Variants in NPAS2 observed in about 807,000 individuals in gnomAD.
NPAS2 encodes neuronal PAS domain-containing protein 2.
Under a neutral mutation model 107.5 loss-of-function variants are expected in NPAS2, and 23 were observed. The observed-to-expected ratio is 0.21, with a 90% CI of 0.15 to 0.30. The LOEUF is 0.30. Among genes scored for constraint, NPAS2 ranks in the 10% least tolerant of loss-of-function variants. The probability of loss-of-function intolerance (pLI) is 1.00; values close to 1 mark genes in which losing one functional copy is unlikely to be tolerated. For missense variants in NPAS2, 756 were observed against 1,043.3 expected, an observed-to-expected ratio of 0.72 and a Z score of 3.79; for synonymous variants, 403 against 417.5, an observed-to-expected ratio of 0.97 and a Z score of 0.42.
chr2:100,928,737 G>C (rs1229481972), intron 3 of NPAS2, among the ~76,000 whole-genome samples: 1 of 152,204 alleles, frequency 6.6e-6, no homozygotes, highest in East Asian at 1.9e-4. Context: ...AAAAAACAAA[G>C]CAATCACTTT....
intron 11 of NPAS2, 96 bp from the exon 12 acceptor site, chr2:100,970,894 G>T: frequency 9.4e-7 from 1 of 1,061,228 alleles, no homozygotes; most frequent in Non-Finnish European, 1.4e-6. Context: ...CAGGGGTTAC[G>T]TAGAGAACCT....
intron 1 of NPAS2, among the ~76,000 whole-genome samples, chr2:100,823,913 G>C (rs867701381): frequency 8.5e-5 from 13 of 152,118 alleles, no homozygotes; most frequent in African/African-American, 3.1e-4. Flanking sequence ...CTTGTGACTT[G>C]GCAAGAAATA....
rs1477782752 is a variant in NPAS2, at chr2:100,990,276, C to T, written c.1848C>T (p.Ser616=). 11 of 1,614,028 alleles carry T rather than the reference C, an allele frequency of 6.8e-6. No individual in the cohort carries two copies. Among genetic ancestry groups the T allele is most frequent in the Admixed American group, 1.7e-5 (1 of 59,998 alleles). ...TCCAGGGTCCAAAGCCAATGAGAAG[C>T]TCACAGCTAATGCAGAGCAGCGGCC... ...ISTQGPKPMR[S]SQLMQSSGRS... The change falls in exon 18 of 21, where the codon AGC becomes AGT. Residue 616 remains serine, a synonymous_variant. Transcript: ENST00000335681.
intron 1 of NPAS2, among the ~76,000 whole-genome samples, chr2:100,851,810 AT>A (rs1678192629): frequency 6.6e-6 from 1 of 152,184 alleles, no homozygotes; most frequent in Non-Finnish European, 1.5e-5. Flanking sequence ...AAGATTTAAC[AT>A]TTTTGTTTTT....
At chr2:100,861,969 ATG>A (rs1678969078) in intron 1 of NPAS2, among the ~76,000 whole-genome samples, 1 of 152,208 alleles carries the variant, frequency 6.6e-6, no homozygotes, top group Non-Finnish European at 1.5e-5. Context: ...TAAGAAAAGA[ATG>A]TGTGTATATG....
At chr2:100,841,962 G>GC (rs1207232607) in intron 1 of NPAS2, among the ~76,000 whole-genome samples, 2 of 152,180 alleles carry the variant, frequency 1.3e-5, no homozygotes, top group Non-Finnish European at 2.9e-5. Context: ...ATATACACAA[G>GC]CATGCACAGC....
rs574852289 is a variant in NPAS2 at position 100,946,210 on chromosome 2, C to A, written c.364-2025C>A. 1.4e-3 allele frequency among the ~76,000 whole-genome samples: 218 copies of A among 152,296 alleles called. 1 individual carries two copies. The highest frequency in any genetic ancestry group is 4.6e-3 in the African/African-American group (191 of 41,564). The stretch of plus-strand genomic sequence containing the variant: ...GCTCATGGAACCTTCATGGTTTCCT[C>A]ACCTTGCAGCTGAGGAAAATGCAGC... On this transcript the variant is annotated intron_variant, in intron 5 of 20. Transcript: ENST00000335681.
At position 100,951,819 on chromosome 2, in the gene NPAS2, G is replaced by A. The variant is rs368023539; in HGVS notation, c.598+2339G>A. 4.4e-4 allele frequency among the ~76,000 whole-genome samples: 67 copies of A among 152,132 alleles called. 1 individual carries two copies. The South Asian group carries it at 0.012, about 27-fold the overall frequency. The stretch of plus-strand genomic sequence containing the variant: ...GAACTGTGCACTTCAAAACGGTTAC[G>A]ATGGCAAACTTTGTTATATGTGTTT... On this transcript the variant is annotated intron_variant, in intron 7 of 20. Coordinates refer to ENST00000335681, the MANE Select transcript of NPAS2 (RefSeq NM_002518.4).
chr2:100,936,402 G>T (rs780542290), intron 4 of NPAS2, among the ~76,000 whole-genome samples: 1 of 152,302 alleles, frequency 6.6e-6, no homozygotes, highest in Non-Finnish European at 1.5e-5. Flanking sequence ...AAAATGTCCA[G>T]ATTCGGGGAA....
At chr2:100,916,722 G>A (rs34060506) in intron 2 of NPAS2, among the ~76,000 whole-genome samples, 22,113 of 152,180 alleles carry the variant, frequency 0.15, 1,785 homozygotes, top group South Asian at 0.18. Flanking sequence ...AACAGAATCT[G>A]ATTGGTATTT....
At chr2:100,962,403 G>A (rs1489858494) in intron 7 of NPAS2, among the ~76,000 whole-genome samples, 1 of 152,158 alleles carries the variant, frequency 6.6e-6, no homozygotes, top group Non-Finnish European at 1.5e-5. Context: ...TGCTCGATAT[G>A]TTCCTCATTA....
intron 1 of NPAS2, among the ~76,000 whole-genome samples, chr2:100,838,837 G>A (rs1026740018): frequency 2.0e-5 from 3 of 152,094 alleles, no homozygotes; most frequent in African/African-American, 7.2e-5. Context: ...CATTGCTTTG[G>A]ATCAGTTATT....
intron 2 of NPAS2, among the ~76,000 whole-genome samples, chr2:100,915,004 G>C (rs1008048703): frequency 6.6e-6 from 1 of 152,178 alleles, no homozygotes; most frequent in African/African-American, 2.4e-5. Flanking sequence ...ACAGAGAGAG[G>C]ACCAGGAGCT....
intron 3 of NPAS2, among the ~76,000 whole-genome samples, chr2:100,925,717 C>G (rs892562231): frequency 3.9e-5 from 6 of 152,134 alleles, no homozygotes; most frequent in Non-Finnish European, 7.4e-5. Flanking sequence ...ACTCTTTGGT[C>G]TTTTGCGCTA....
Position 100,843,398 on chromosome 2 carries a change from C to T in NPAS2, c.-23+22984C>T, listed in dbSNP as rs142719251. 5.1e-3 allele frequency among the ~76,000 whole-genome samples: 780 copies of T among 152,194 alleles called. 8 individuals are homozygous for T. Among genetic ancestry groups the T allele is most frequent in the African/African-American group, 0.018 (758 of 41,524 alleles). ...CACACACATTAAAATTAGATTACAG[C>T]CAAACAGCAATATAGTTTTGGGGAT... On this transcript the variant is annotated intron_variant, in intron 1 of 20. Coordinates refer to ENST00000335681, the MANE Select transcript of NPAS2 (RefSeq NM_002518.4).
chr2:100,829,567 G>A (rs866862142), intron 1 of NPAS2, among the ~76,000 whole-genome samples: 2 of 152,048 alleles, frequency 1.3e-5, no homozygotes, highest in African/African-American at 4.8e-5. Context: ...GGAGTTTTTC[G>A]GGGTTTTCTA....
At chr2:100,871,809 G>A (rs985350188) in intron 1 of NPAS2, among the ~76,000 whole-genome samples, 1 of 152,058 alleles carries the variant, frequency 6.6e-6, no homozygotes, top group African/African-American at 2.4e-5. Context: ...TCTGCATGCT[G>A]AAAGACATTG....
intron 16 of NPAS2, 110 bp from the exon 17 acceptor site, chr2:100,987,969 A>T: frequency 8.7e-7 from 1 of 1,152,458 alleles, no homozygotes; most frequent in Non-Finnish European, 1.3e-6. Context: ...AACTATTTCT[A>T]GGCAGCTCAG....
intron 3 of NPAS2, among the ~76,000 whole-genome samples, chr2:100,926,028 A>T (rs1002549546): frequency 6.6e-6 from 1 of 152,198 alleles, no homozygotes; most frequent in African/African-American, 2.4e-5. Context: ...TTATACAAGT[A>T]GAATCATACG....
Sources: gnomAD v4.1 joint callset for allele counts (sites outside exome capture counted in the v4.1 genomes callset) on GRCh38, gnomAD v4.1.1 for gene constraint, MANE v1.5 for transcripts, NCBI Gene and HGNC (gene_info 2026-07-23, HGNC 2026-07-21) for gene names.